Variants in RFX7 observed in about 807,000 individuals in gnomAD.
The protein encoded by RFX7 is DNA-binding protein RFX7.
In RFX7, 26 loss-of-function variants were observed where a neutral mutation model predicts 111.8. The ratio of observed to expected loss-of-function variants is 0.23; its 90% CI spans 0.17 to 0.32. The LOEUF is 0.32. RFX7 is among the 10% of genes least tolerant of loss of function. The pLI is 1.00. For missense variants in RFX7, 1,573 were observed against 1,772.9 expected (o/e 0.89, Z 2.02); for synonymous variants, 624 against 624.4 (o/e 1.00, Z 0.01).
chr15:56,160,547 A>C (rs1319655185), intron 3 of RFX7, among the ~76,000 whole-genome samples: 2 of 152,056 alleles, frequency 1.3e-5, no homozygotes, highest in African/African-American at 4.8e-5. Context: ...AAGAAATACT[A>C]ATTTTTCCCC....
chr15:56,192,670 G>C, intron 2 of RFX7: 1 of 214,208 alleles, frequency 4.7e-6, no homozygotes, highest in Admixed American at 4.2e-5. Flanking sequence ...CAAGGAACAG[G>C]ATGCTTTCCC....
chr15:56,101,446 A>C lies in RFX7; in HGVS notation c.724T>G (p.Leu242Val), dbSNP rs1035908957. The C allele has an allele frequency of 6.2e-7, 1 of 1,613,620 alleles. No individual in the cohort carries two copies. The highest frequency in any genetic ancestry group is 8.5e-7 in the Non-Finnish European group (1 of 1,179,754). The change falls in exon 8 of 10, where the codon TTG becomes GTG. Residue 242 changes from leucine to valine, a missense_variant. Around this residue, in one of 7 missense-constraint regions of RFX7, gnomAD observed 288 missense variants for 337.9 expected, o/e 0.85. Transcript: ENST00000559447. ...TTTACAAGGAAGCGGGCTAATTCCA[A>C]GACGGTGTCAAATGGTTGGCTTAAC... is the stretch of plus-strand genomic sequence containing the variant. ...KVLSQPFDTV[L>V]ELARFLVKSH...
rs2041619897 is a variant in RFX7 at position 56,093,277 on chromosome 15, A to G, written c.*68T>C. On this transcript the variant is annotated 3_prime_UTR_variant, in exon 10 of 10. Transcript: ENST00000559447. ...TAATAGTATTTCTGCTGCGGGAGGC[A>G]CTTCCATTAAGACAAATACAATACA... 1.5e-6 allele frequency: 2 copies of G among 1,311,428 alleles called. No individual in the cohort carries two copies. Among genetic ancestry groups the G allele is most frequent in the African/African-American group, 2.9e-5 (2 of 67,978 alleles). The allele number at this position is 1,311,428 out of a possible 1,614,324, so 81.2% of individuals were successfully genotyped here.
At chr15:56,242,042 C>T (rs2043696329) in intron 2 of RFX7, among the ~76,000 whole-genome samples, 1 of 152,138 alleles carries the variant, frequency 6.6e-6, no homozygotes, top group Admixed American at 6.5e-5. Context: ...ACGCCAGTTG[C>T]TTTACGATAT....
chr15:56,166,801 CTGT>C (rs1232156519), intron 3 of RFX7, among the ~76,000 whole-genome samples: 1 of 152,066 alleles, frequency 6.6e-6, no homozygotes, highest in Non-Finnish European at 1.5e-5. Context: ...GTCACCCAGA[CTGT>C]ACTGTGGCGG....
rs556225702 is a variant in RFX7, at chr15:56,205,664, A to G, written c.162-26361T>C. Among the ~76,000 whole-genome samples the G allele has an allele frequency of 1.2e-3, 188 of 152,334 alleles. 1 individual carries two copies. The highest frequency in any genetic ancestry group is 2.1e-3 in the Non-Finnish European group (144 of 68,012). ...ACAGAAGATGAGAGAAAACTTCCCAATTCATTTTATGAAGCTAGTCACTAC... is the reference window on the plus strand; with the variant it reads ...ACAGAAGATGAGAGAAAACTTCCCAGTTCATTTTATGAAGCTAGTCACTAC... On this transcript the variant is annotated intron_variant, in intron 2 of 9. Transcript: ENST00000559447.
At chr15:56,204,484 G>C (rs565250572) in intron 2 of RFX7, among the ~76,000 whole-genome samples, 2 of 152,228 alleles carry the variant, frequency 1.3e-5, no homozygotes, top group East Asian at 1.9e-4. Context: ...TAAAAGCACA[G>C]GTAAGGCTAC....
Position 56,093,317 on chromosome 15 carries a change from C to G in RFX7, c.*28G>C. On this transcript the variant is annotated 3_prime_UTR_variant, in exon 10 of 10. Coordinates refer to ENST00000559447, the MANE Select transcript of RFX7 (RefSeq NM_022841.7). ...AATACAATACATATGTCTTTAGATA[C>G]AGTGTGCTACATGTTATAAAACACA... 1.9e-6 allele frequency: 3 copies of G among 1,549,740 alleles called. No individual in the cohort carries two copies. In the South Asian group the frequency reaches 3.7e-5, roughly 19 times the overall value.
chr15:56,229,607 T>A (rs1231652931), intron 2 of RFX7, among the ~76,000 whole-genome samples: 5 of 152,106 alleles, frequency 3.3e-5, no homozygotes, highest in African/African-American at 1.2e-4. Context: ...AGAATGAGAA[T>A]CTCCCGGAAG....
At chr15:56,111,997 C>T (rs1340820677) in intron 5 of RFX7, among the ~76,000 whole-genome samples, 1 of 151,924 alleles carries the variant, frequency 6.6e-6, no homozygotes, top group Non-Finnish European at 1.5e-5. Context: ...TGCCTATAGT[C>T]CCAGCTACTC....
intron 2 of RFX7, among the ~76,000 whole-genome samples, chr15:56,236,471 T>C (rs1454055545): frequency 6.6e-6 from 1 of 152,118 alleles, no homozygotes; most frequent in African/African-American, 2.4e-5. Flanking sequence ...ACTAAAAGAC[T>C]AAACAGAAAG....
rs2042799493 is a variant in RFX7, at chr15:56,167,710, A to G, written c.195+11560T>C. Among the ~76,000 whole-genome samples the G allele has an allele frequency of 3.3e-5, 5 of 152,322 alleles. No homozygotes were observed. The South Asian group carries it at 1.0e-3, about 32-fold the overall frequency. On this transcript the variant is annotated intron_variant, in intron 3 of 9. Transcript: ENST00000559447. ...ATATTTTCATTTGTCTTTACCAATA[A>G]ACAGATAAATTTTTTCATAGCTTTA...
At chr15:56,134,803 C>T (rs1407057123) in intron 5 of RFX7, among the ~76,000 whole-genome samples, 2 of 152,040 alleles carry the variant, frequency 1.3e-5, no homozygotes, top group African/African-American at 4.8e-5. Context: ...CGTTATATTC[C>T]CCTTCCTGTG....
intron 5 of RFX7, among the ~76,000 whole-genome samples, chr15:56,121,042 A>T (rs2042071928): frequency 6.6e-6 from 1 of 152,172 alleles, no homozygotes; most frequent in Non-Finnish European, 1.5e-5. Context: ...ACAGTGTTAT[A>T]ATAGTCTGTG....
Position 56,095,924 on chromosome 15 carries a change from A to G in RFX7, c.1804T>C (p.Cys602Arg). The G allele has an allele frequency of 3.1e-6, 5 of 1,606,034 alleles. No homozygotes were observed. The highest frequency in any genetic ancestry group is 4.2e-6 in the Non-Finnish European group (5 of 1,179,780). ...ATKVCDQRTK[C>R]KSRCNEMLPG... is the part of the protein sequence containing the mutation. The stretch of plus-strand genomic sequence containing the variant: ...AGCATTTCATTACAGCGACTTTTAC[A>G]TTTGGTCCTCTGGTCACAGACCTTA... Residue 602 changes from cysteine (C) to arginine (R), a missense_variant, in exon 10 of 10, where the codon TGT (cysteine) becomes CGT (arginine). Coordinates refer to ENST00000559447, the MANE Select transcript of RFX7 (RefSeq NM_022841.7).
rs1788421083 is a variant in RFX7 at position 56,090,785 on chromosome 15, G to A, written c.*2560C>T. ...GTACAAGACTATTATATGAACCTCAGAAGCACTGCACAAAAAAACACTTTC... is the reference window on the plus strand; with the variant it reads ...GTACAAGACTATTATATGAACCTCAAAAGCACTGCACAAAAAAACACTTTC... On this transcript the variant is annotated 3_prime_UTR_variant, in exon 10 of 10. Transcript: ENST00000559447. 1 of 152,512 alleles carries A rather than the reference G, an allele frequency of 6.6e-6. No individual in the cohort carries two copies. Among genetic ancestry groups the A allele is most frequent in the African/African-American group, 2.4e-5 (1 of 41,418 alleles). 9.4% of individuals were successfully genotyped at this position (152,512 alleles called of 1,614,324 possible).
At chr15:56,185,056 C>G (rs1297316602) in intron 2 of RFX7, among the ~76,000 whole-genome samples, 3 of 152,152 alleles carry the variant, frequency 2.0e-5, no homozygotes, top group Admixed American at 1.3e-4. Flanking sequence ...ATACAAAACA[C>G]ATTTTCCTCT....
chr15:56,175,274 T>G (rs1032852957), intron 3 of RFX7, among the ~76,000 whole-genome samples: 1 of 152,142 alleles, frequency 6.6e-6, no homozygotes, highest in Non-Finnish European at 1.5e-5. Flanking sequence ...TGAAAGATAT[T>G]ATAGAAGAAC....
rs2140525825 is a variant in RFX7 at position 56,101,509 on chromosome 15, A to C, written c.661T>G (p.Ser221Ala). 1 of 1,613,808 alleles carries C rather than the reference A, an allele frequency of 6.2e-7. No homozygotes were observed. The highest frequency in any genetic ancestry group is 2.2e-5 in the East Asian group (1 of 44,868). The change falls in exon 8 of 10, where the codon TCT becomes GCT. Residue 221 changes from serine (S) to alanine (A), a missense_variant. Physicochemically the swap from Ser to Ala is moderately conservative, Grantham distance 99. Transcript: ENST00000559447. ...CACTCACACACAAGACGGCAAGCAG[A>C]AGAGATAACTTCTTCATCAATATTT... ...LQNIDEEVIS[S>A]ACRLVCEWAQ...
Sources: allele counts gnomAD v4.1 joint callset (sites outside exome capture counted in the v4.1 genomes callset), GRCh38; gene constraint gnomAD v4.1.1; regional missense constraint gnomAD v4.1.1; transcripts MANE v1.5; gene names NCBI Gene and HGNC (gene_info 2026-07-23, HGNC 2026-07-21).